The following NTM variants were observed in gnomAD, a reference collection of about 807,000 sequenced individuals.
NTM encodes IgLON family member 2.
Under a neutral mutation model 42.1 loss-of-function variants are expected in NTM, and 13 were observed. The observed-to-expected ratio is 0.31, with a 90% confidence interval of 0.20 to 0.49. The LOEUF (loss-of-function observed/expected upper bound fraction) is 0.49. Among genes scored for constraint, NTM ranks in the 20% least tolerant of loss-of-function variants. NTM has a pLI of 0.99. For synonymous variants in NTM, 187 were observed against 179.2 expected (o/e 1.04, Z -0.35); for missense variants, 373 against 452.8 (o/e 0.82, Z 1.60).
rs143845762 is a variant in NTM, at chr11:132,314,980, GGGAAAA to G, written c.934+284_934+289del. 7,361 of 1,185,654 alleles carry G rather than the reference GGGAAAA, an allele frequency of 6.2e-3. 257 individuals are homozygous for G. The African/African-American group carries it at 0.09, about 15-fold the overall frequency. 73.4% of individuals were successfully genotyped at this position (1,185,654 alleles called of 1,614,324 possible). A position where few individuals can be genotyped will look rare whatever the true frequency, so the allele number is the denominator to read the frequency against. On this transcript the variant is annotated intron_variant, in intron 7 of 8. Coordinates refer to ENST00000683400, the MANE Select transcript of NTM (RefSeq NM_001352005.2). ...ATGTATAAAAGTAGATCTCAGAAGT[GGGAAAA>G]GGAAAATGAAAAAGAATGTTCATGT...
At chr11:132,306,907 A>C (rs1162692964) in intron 4 of NTM, among the ~76,000 whole-genome samples, 1 of 152,304 alleles carries the variant, frequency 6.6e-6, no homozygotes, top group Non-Finnish European at 1.5e-5. Flanking sequence ...GCCAGACGTC[A>C]GGCACAGAGT....
intron 1 of NTM, among the ~76,000 whole-genome samples, chr11:131,386,110 T>C (rs1165430140): frequency 2.6e-5 from 4 of 152,246 alleles, no homozygotes; most frequent in African/African-American, 9.6e-5. Flanking sequence ...CAATGAGGTC[T>C]ATGCATAAAT....
At chr11:132,133,180 C>A (rs1258124021) in intron 2 of NTM, among the ~76,000 whole-genome samples, 1 of 152,196 alleles carries the variant, frequency 6.6e-6, no homozygotes, top group African/African-American at 2.4e-5. Flanking sequence ...TATTTATACT[C>A]ATTTGTAAAG....
chr11:131,383,013 C>T (rs1942877670), intron 1 of NTM, among the ~76,000 whole-genome samples: 1 of 152,152 alleles, frequency 6.6e-6, no homozygotes. Flanking sequence ...TATCCTTGCT[C>T]ACAGGTGATC....
chr11:132,272,869 T>C (rs528055074), intron 4 of NTM, among the ~76,000 whole-genome samples: 3 of 152,284 alleles, frequency 2.0e-5, no homozygotes, highest in Non-Finnish European at 2.9e-5. Context: ...TCTTGCCTAG[T>C]AGTCCTGGAT....
At chr11:131,762,497 A>G (rs1025782492) in intron 1 of NTM, among the ~76,000 whole-genome samples, 2 of 152,216 alleles carry the variant, frequency 1.3e-5, no homozygotes, top group African/African-American at 4.8e-5. Context: ...GGCCAAGGGC[A>G]GGTTGGCGCT....
chr11:131,526,561 T>G (rs1165486589), intron 1 of NTM, among the ~76,000 whole-genome samples: 2 of 152,244 alleles, frequency 1.3e-5, no homozygotes, highest in African/African-American at 4.8e-5. Context: ...AAATGTCAGC[T>G]TCTCCTTATC....
intron 2 of NTM, among the ~76,000 whole-genome samples, chr11:131,949,595 G>T (rs1057253732): frequency 1.3e-5 from 2 of 152,212 alleles, no homozygotes; most frequent in African/African-American, 4.8e-5. Context: ...GGGATTCGGG[G>T]TCTTGTGTTG....
intron 1 of NTM, among the ~76,000 whole-genome samples, chr11:131,589,168 TGTGTG>T (rs1565672964): frequency 1.6e-5 from 1 of 61,740 alleles, no homozygotes; most frequent in African/African-American, 1.6e-4. Flanking sequence ...CCTGGAAAAA[TGTGTG>T]TGTGTGTGTG....
At chr11:131,931,948 G>A (rs1292000505) in intron 2 of NTM, among the ~76,000 whole-genome samples, 4 of 152,212 alleles carry the variant, frequency 2.6e-5, no homozygotes, top group African/African-American at 7.2e-5. Flanking sequence ...AGAGTTGTGC[G>A]TGGCCTTCAC....
intron 4 of NTM, among the ~76,000 whole-genome samples, chr11:132,237,371 C>T (rs560608174): frequency 6.6e-6 from 1 of 152,136 alleles, no homozygotes; most frequent in African/African-American, 2.4e-5. Context: ...TTTGGGATCT[C>T]GGTACGTCAC....
intron 1 of NTM, among the ~76,000 whole-genome samples, chr11:131,549,889 C>T (rs1286187166): frequency 2.0e-5 from 3 of 152,194 alleles, no homozygotes; most frequent in African/African-American, 4.8e-5. Flanking sequence ...AACCACGATT[C>T]GAGGTGATGT....
At chr11:131,936,011 T>TTATATATATATATATATATATATATATA (rs559967974) in intron 2 of NTM, among the ~76,000 whole-genome samples, 35 of 151,928 alleles carry the variant, frequency 2.3e-4, no homozygotes, top group African/African-American at 8.0e-4. Context: ...CATGGAAATT[T>TTATATATATATATATATATATATATATA]TATATATATA....
intron 1 of NTM, among the ~76,000 whole-genome samples, chr11:131,432,563 C>T (rs183690290): frequency 9.5e-4 from 145 of 152,098 alleles, no homozygotes; most frequent in African/African-American, 3.2e-3. Context: ...AGTGGGGCTG[C>T]GGGGACTAGG....
intron 1 of NTM, among the ~76,000 whole-genome samples, chr11:131,648,123 C>T (rs1427424643): frequency 6.6e-6 from 1 of 152,128 alleles, no homozygotes; most frequent in Admixed American, 6.5e-5. Context: ...GCTGTCTGTT[C>T]CTGCATTAGT....
intron 1 of NTM, among the ~76,000 whole-genome samples, chr11:131,754,231 A>G (rs563263046): frequency 1.3e-5 from 2 of 152,176 alleles, no homozygotes; most frequent in East Asian, 3.9e-4. Flanking sequence ...ATGTATACAT[A>G]TGTAACTAAC....
chr11:131,671,417 T>C (rs2134640717), intron 1 of NTM: 1 of 985,194 alleles, frequency 1.0e-6, no homozygotes, highest in South Asian at 4.7e-5. Flanking sequence ...ATTCACAGGA[T>C]CCACCACAGC....
intron 1 of NTM, among the ~76,000 whole-genome samples, chr11:131,793,673 C>T (rs1293486974): frequency 6.6e-6 from 1 of 152,200 alleles, no homozygotes; most frequent in African/African-American, 2.4e-5. Flanking sequence ...CCACTGGAAA[C>T]CCCTATATTA....
At chr11:132,104,620 A>C (rs568695056) in intron 2 of NTM, among the ~76,000 whole-genome samples, 1 of 147,796 alleles carries the variant, frequency 6.8e-6, no homozygotes, top group South Asian at 2.2e-4. Context: ...TAATAATCAT[A>C]ATAATAATAA....
Sources: gnomAD v4.1 joint callset for allele counts (sites outside exome capture counted in the v4.1 genomes callset) on GRCh38, gnomAD v4.1.1 for gene constraint, MANE v1.5 for transcripts, NCBI Gene and HGNC (gene_info 2026-07-23, HGNC 2026-07-21) for gene names.